Variants in KCNIP1 observed in about 807,000 individuals in gnomAD.
The protein encoded by KCNIP1 is A-type potassium channel modulatory protein KCNIP1.
Under a neutral mutation model 33.0 loss-of-function variants are expected in KCNIP1, and 18 were observed. The observed-to-expected ratio is 0.55, with a 90% CI of 0.38 to 0.81. The LOEUF (loss-of-function observed/expected upper bound fraction) is 0.81. Ranked by LOEUF, KCNIP1 falls within the 30% of genes least tolerant of loss-of-function variation. KCNIP1 has a pLI of 0.00. For synonymous variants in KCNIP1, 93 were observed against 98.3 expected, an observed-to-expected ratio of 0.95 and a Z score of 0.32; for missense variants, 238 against 271.6, an observed-to-expected ratio of 0.88 and a Z score of 0.87.
At chr5:170,463,535 T>C (rs902381118) in intron 1 of KCNIP1, among the ~76,000 whole-genome samples, 3 of 152,106 alleles carry the variant, frequency 2.0e-5, no homozygotes, top group Non-Finnish European at 4.4e-5. Flanking sequence ...AATTAATTAA[T>C]ATAATACATA....
At chr5:170,588,493 GTT>G (rs2113541143) in intron 1 of KCNIP1, among the ~76,000 whole-genome samples, 1 of 152,334 alleles carries the variant, frequency 6.6e-6, no homozygotes, top group South Asian at 2.1e-4. Context: ...GCAGCTTGTA[GTT>G]GTGTGTGTCA....
chr5:170,709,868 C>CA (rs1554113516), intron 1 of KCNIP1, among the ~76,000 whole-genome samples: 9 of 151,408 alleles, frequency 5.9e-5, no homozygotes, highest in Non-Finnish European at 1.3e-4. Context: ...TGATTCCATT[C>CA]TTTTTTTTTC....
In KCNIP1 at chr5:170,623,965, G is replaced by A. The variant is rs114218290; in HGVS notation, c.62-94793G>A. Among the ~76,000 whole-genome samples, 435 of 152,242 alleles carry A rather than the reference G, an allele frequency of 2.9e-3. 2 individuals are homozygous for A. The highest frequency in any genetic ancestry group is 0.01 in the African/African-American group (418 of 41,546). On this transcript the variant is annotated intron_variant, in intron 1 of 7. Coordinates refer to ENST00000328939, the MANE Select transcript of KCNIP1 (RefSeq NM_014592.4). ...CACGCCCAGCCAGCCCCAAGGAACC[G>A]ACTCCCTGAGGCTCTATGCTCCCTG... is the stretch of plus-strand genomic sequence containing the variant.
chr5:170,633,735 GA>G (rs1283107123), intron 1 of KCNIP1, among the ~76,000 whole-genome samples: 22 of 23,340 alleles, frequency 9.4e-4, no homozygotes, highest in South Asian at 2.4e-3. Context: ...GGGGGGGACG[GA>G]GGGGGGGGCG....
rs1355619429 is a variant in KCNIP1 at position 170,633,705 on chromosome 5, C to A, written c.62-85053C>A. 2.0e-4 allele frequency among the ~76,000 whole-genome samples: 4 copies of A among 19,730 alleles called. No individual in the cohort carries two copies. In the East Asian group the frequency reaches 6.4e-3, roughly 31 times the overall value. The allele number at this position is 19,730 out of a possible 152,430, so 12.9% of individuals were successfully genotyped here. A position where few individuals can be genotyped will look rare whatever the true frequency, so the allele number is the denominator to read the frequency against. On this transcript the variant is annotated intron_variant, in intron 1 of 7. Coordinates refer to ENST00000328939, the MANE Select transcript of KCNIP1 (RefSeq NM_014592.4). ...GGAGGGGGCGGGGCGGAGGAGGGGGCGAGGGGGCGGGGGGGCGGAGGGGGG... is the reference window on the plus strand; with the variant it reads ...GGAGGGGGCGGGGCGGAGGAGGGGGAGAGGGGGCGGGGGGGCGGAGGGGGG...
chr5:170,451,343 G>A (rs1017588742), intron 1 of KCNIP1, among the ~76,000 whole-genome samples: 1 of 152,106 alleles, frequency 6.6e-6, no homozygotes, highest in Non-Finnish European at 1.5e-5. Context: ...ATTATAGAAT[G>A]ATTCCTACTG....
At chr5:170,630,035 G>A (rs1230133468) in intron 1 of KCNIP1, among the ~76,000 whole-genome samples, 1 of 152,216 alleles carries the variant, frequency 6.6e-6, no homozygotes, top group Non-Finnish European at 1.5e-5. Context: ...GGCCTGGGGT[G>A]AGGGGGTGGG....
At chr5:170,495,331 C>A (rs1309939619) in intron 1 of KCNIP1, among the ~76,000 whole-genome samples, 1 of 152,214 alleles carries the variant, frequency 6.6e-6, no homozygotes, top group Non-Finnish European at 1.5e-5. Flanking sequence ...TGGACCGCAC[C>A]ACTGTTGGGT....
At chr5:170,682,888 C>G (rs1762406518) in intron 1 of KCNIP1, among the ~76,000 whole-genome samples, 1 of 147,684 alleles carries the variant, frequency 6.8e-6, no homozygotes, top group Admixed American at 7.0e-5. Flanking sequence ...CTTGGCCTCC[C>G]AAAGTGCTGG....
At chr5:170,712,944 T>TG in intron 1 of KCNIP1, 1 of 1,400,942 alleles carries the variant, frequency 7.1e-7, no homozygotes, top group Non-Finnish European at 1.0e-6. Context: ...AGGCAGAGCT[T>TG]CTTAATCAAG....
intron 1 of KCNIP1, among the ~76,000 whole-genome samples, chr5:170,686,396 G>C (rs188188111): frequency 6.6e-6 from 1 of 152,316 alleles, no homozygotes; most frequent in Admixed American, 6.5e-5. Context: ...AACAAGGAGA[G>C]TCACTCAGTT....
chr5:170,368,483 T>G (rs1763757860), intron 1 of KCNIP1, among the ~76,000 whole-genome samples: 1 of 152,142 alleles, frequency 6.6e-6, no homozygotes, highest in Non-Finnish European at 1.5e-5. Context: ...CAGGATGGTC[T>G]CCATCTCCTG....
At chr5:170,362,896 A>G (rs1329710151) in intron 1 of KCNIP1, among the ~76,000 whole-genome samples, 1 of 152,216 alleles carries the variant, frequency 6.6e-6, no homozygotes, top group Non-Finnish European at 1.5e-5. Context: ...GGAGCCGGCT[A>G]TCACCCGGAG....
chr5:170,733,743 T>G, intron 6 of KCNIP1, 93 bp from the exon 7 acceptor site: 1 of 1,044,704 alleles, frequency 9.6e-7, no homozygotes, highest in Non-Finnish European at 1.5e-6. Context: ...GAGCTCCAGC[T>G]CGTTACTCTG....
At chr5:170,370,744 C>T (rs77249092) in intron 1 of KCNIP1, among the ~76,000 whole-genome samples, 2,610 of 152,288 alleles carry the variant, frequency 0.017, 72 homozygotes, top group African/African-American at 0.059. Context: ...GGCTGAGAGG[C>T]TCCTGTGAGG....
chr5:170,504,917 A>G lies in KCNIP1; in HGVS notation c.61+284A>G, dbSNP rs1189403543. ...ATCTCTGAGAGCCGAAGGAAGCGGCATGTTCACAGGTGGGGGTGACCGGAT... is the reference window on the plus strand; with the variant it reads ...ATCTCTGAGAGCCGAAGGAAGCGGCGTGTTCACAGGTGGGGGTGACCGGAT... On this transcript the variant is annotated intron_variant, in intron 1 of 7. Coordinates refer to ENST00000328939, the MANE Select transcript of KCNIP1 (RefSeq NM_014592.4). The surrounding 1 kb of genome is among the most constrained non-coding windows in gnomAD (Gnocchi z 6.0). Among the ~76,000 whole-genome samples the G allele has an allele frequency of 6.6e-6, 1 of 152,172 alleles. No individual in the cohort carries two copies. Among genetic ancestry groups the G allele is most frequent in the Non-Finnish European group, 1.5e-5 (1 of 68,038 alleles).
At chr5:170,369,479 CT>C (rs1763787191) in intron 1 of KCNIP1, among the ~76,000 whole-genome samples, 1 of 152,250 alleles carries the variant, frequency 6.6e-6, no homozygotes, top group African/African-American at 2.4e-5. Flanking sequence ...GGAAACTTTT[CT>C]TGCACGGTTC....
At chr5:170,487,646 C>T (rs978215641) in intron 1 of KCNIP1, among the ~76,000 whole-genome samples, 3 of 151,896 alleles carry the variant, frequency 2.0e-5, no homozygotes, top group Non-Finnish European at 4.4e-5. Flanking sequence ...CTCAGCCCCT[C>T]GAGTAGCTGG....
At chr5:170,463,587 GAC>G (rs1484002723) in intron 1 of KCNIP1, among the ~76,000 whole-genome samples, 1 of 152,040 alleles carries the variant, frequency 6.6e-6, no homozygotes, top group African/African-American at 2.4e-5. Context: ...CATCTTATTA[GAC>G]ACAGAAAAAT....
Sources: gnomAD v4.1 joint callset for allele counts (sites outside exome capture counted in the v4.1 genomes callset) on GRCh38, gnomAD v4.1.1 for gene constraint, Gnocchi (gnomAD v3.1) non-coding constraint, MANE v1.5 for transcripts, NCBI Gene and HGNC (gene_info 2026-07-23, HGNC 2026-07-21) for gene names.